PTPRK: variants seen among roughly 807,000 people sequenced by gnomAD.
PTPRK encodes the protein receptor-type tyrosine-protein phosphatase kappa.
PTPRK carries 75 observed loss-of-function variants against 178.0 expected under a neutral mutation model. The observed-to-expected ratio is 0.42, with a 90% CI of 0.35 to 0.51. The LOEUF is 0.51. Ranked by LOEUF, PTPRK falls within the 20% of genes least tolerant of loss-of-function variation. The pLI, the probability that PTPRK is intolerant of heterozygous loss-of-function variation, is 0.02. For missense variants in PTPRK, 1,441 were observed against 1,797.8 expected (o/e 0.80, Z 3.59); for synonymous variants, 637 against 620.6 (o/e 1.03, Z -0.39).
intron 7 of PTPRK, among the ~76,000 whole-genome samples, chr6:128,168,262 A>C (rs913347568): frequency 1.3e-5 from 2 of 152,060 alleles, no homozygotes; most frequent in Non-Finnish European, 2.9e-5. Context: ...CAAAATATAA[A>C]CAGCCCTAAG....
intron 1 of PTPRK, among the ~76,000 whole-genome samples, chr6:128,488,917 TCA>T (rs1275110223): frequency 1.3e-5 from 2 of 150,996 alleles, no homozygotes; most frequent in East Asian, 4.0e-4. Context: ...ATAAGTTTAC[TCA>T]CACACAAAAA....
intron 21 of PTPRK, among the ~76,000 whole-genome samples, chr6:127,988,924 G>A (rs1320023306): frequency 6.6e-6 from 1 of 151,774 alleles, no homozygotes; most frequent in Non-Finnish European, 1.5e-5. Flanking sequence ...AATCACTTAT[G>A]AGTATAAATT....
At chr6:128,499,902 C>T (rs924644916) in intron 1 of PTPRK, among the ~76,000 whole-genome samples, 1 of 152,134 alleles carries the variant, frequency 6.6e-6, no homozygotes, top group South Asian at 2.1e-4. Context: ...GAATTCGGTA[C>T]CCACCAAATG....
chr6:128,148,089 C>T (rs941083894), intron 7 of PTPRK, among the ~76,000 whole-genome samples: 1 of 152,082 alleles, frequency 6.6e-6, no homozygotes, highest in Non-Finnish European at 1.5e-5. Flanking sequence ...AGGTGAAAAA[C>T]AATCACAGCC....
intron 1 of PTPRK, chr6:128,500,647 A>G (rs1421115895): frequency 6.6e-6 from 1 of 152,180 alleles, no homozygotes; most frequent in Non-Finnish European, 1.5e-5. Context: ...CCATTTAAGT[A>G]CAGGAAACAA....
intron 1 of PTPRK, among the ~76,000 whole-genome samples, chr6:128,400,539 T>G (rs1468752746): frequency 6.6e-6 from 1 of 152,070 alleles, no homozygotes; most frequent in Non-Finnish European, 1.5e-5. Context: ...ATGAGGCAAT[T>G]CAAGCCACAT....
intron 2 of PTPRK, among the ~76,000 whole-genome samples, chr6:128,386,250 ACAAAT>A (rs1838703493): frequency 6.6e-6 from 1 of 152,214 alleles, no homozygotes; most frequent in Admixed American, 6.5e-5. Context: ...ATATAGTTTG[ACAAAT>A]CAAGTGTACA....
chr6:128,047,304 A>G (rs1778209133), intron 13 of PTPRK, among the ~76,000 whole-genome samples: 1 of 152,196 alleles, frequency 6.6e-6, no homozygotes, highest in Non-Finnish European at 1.5e-5. Flanking sequence ...TGCTTACCAT[A>G]AGTAATATTC....
intron 29 of PTPRK, among the ~76,000 whole-genome samples, chr6:127,971,212 T>C (rs1773862377): frequency 6.6e-6 from 1 of 152,178 alleles, no homozygotes; most frequent in African/African-American, 2.4e-5. Context: ...TGCTCCATAA[T>C]AAGAATTTAG....
At chr6:128,434,749 CTGGGTACAG>C (rs1845286326) in intron 1 of PTPRK, among the ~76,000 whole-genome samples, 2 of 152,136 alleles carry the variant, frequency 1.3e-5, no homozygotes, top group Middle Eastern at 3.4e-3. Flanking sequence ...AGGAATTTAG[CTGGGTACAG>C]TGGCTTATGC....
At chr6:128,484,933 T>C (rs1019678280) in intron 1 of PTPRK, among the ~76,000 whole-genome samples, 4 of 152,134 alleles carry the variant, frequency 2.6e-5, no homozygotes, top group African/African-American at 7.2e-5. Flanking sequence ...ACAAATATCA[T>C]AAAAATTAAA....
At chr6:128,441,837 G>T (rs1416756279) in intron 1 of PTPRK, among the ~76,000 whole-genome samples, 1 of 152,156 alleles carries the variant, frequency 6.6e-6, no homozygotes, top group Non-Finnish European at 1.5e-5. Context: ...AAGCACAAAT[G>T]GTCTGTACTA....
intron 13 of PTPRK, among the ~76,000 whole-genome samples, chr6:128,053,375 G>A (rs2114883043): frequency 6.6e-6 from 1 of 152,128 alleles, no homozygotes; most frequent in Middle Eastern, 3.4e-3. Context: ...AGACTGATAA[G>A]GCTCTGACAT....
rs755298902 is a variant in PTPRK at position 128,283,411 on chromosome 6, TCA to T, written c.495+38626_495+38627del. Reference sequence around the variant, plus strand: ...ATTTTTGATGTATGAGAAGAATTTCTCAGTTATAAAGCCAAATGTAAGGTAAT... The same window carrying T: ...ATTTTTGATGTATGAGAAGAATTTCTGTTATAAAGCCAAATGTAAGGTAAT... On this transcript the variant is annotated intron_variant, in intron 3 of 29. Coordinates refer to ENST00000368226, the MANE Select transcript of PTPRK (RefSeq NM_002844.4). 4.8e-4 allele frequency among the ~76,000 whole-genome samples: 73 copies of T among 152,198 alleles called. 1 individual carries two copies. Among genetic ancestry groups the T allele is most frequent in the Admixed American group, 1.1e-3 (17 of 15,284 alleles).
chr6:127,984,743 T>C (rs9402011), intron 22 of PTPRK, among the ~76,000 whole-genome samples: 44,609 of 152,054 alleles, frequency 0.29, 6,687 homozygotes, highest in East Asian at 0.43. Flanking sequence ...ATTGTGGCTA[T>C]CTCTATTTAT....
chr6:128,214,679 T>C (rs577192465), intron 6 of PTPRK, among the ~76,000 whole-genome samples: 2 of 152,040 alleles, frequency 1.3e-5, no homozygotes, highest in Non-Finnish European at 2.9e-5. Flanking sequence ...TGGCTTAGGA[T>C]AGAAGCCAAA....
chr6:128,120,843 T>C (rs1583098108), intron 7 of PTPRK, among the ~76,000 whole-genome samples: 1 of 151,902 alleles, frequency 6.6e-6, no homozygotes, highest in Non-Finnish European at 1.5e-5. Context: ...TAAAATGACA[T>C]TTCTACTACT....
chr6:128,230,566 A>G (rs1326731146), intron 5 of PTPRK, among the ~76,000 whole-genome samples: 1 of 152,108 alleles, frequency 6.6e-6, no homozygotes, highest in Non-Finnish European at 1.5e-5. Context: ...TTTGTGTGGT[A>G]TTCTATACCT....
At chr6:128,008,187 TTTCA>T in intron 14 of PTPRK, 1 of 573,058 alleles carries the variant, frequency 1.7e-6, no homozygotes, top group Non-Finnish European at 2.8e-6. Context: ...TAATGCTTTA[TTTCA>T]AGTATAAAAT....
Sources: gnomAD v4.1 joint callset for allele counts (sites outside exome capture counted in the v4.1 genomes callset) on GRCh38, gnomAD v4.1.1 for gene constraint, MANE v1.5 for transcripts, NCBI Gene and HGNC (gene_info 2026-07-23, HGNC 2026-07-21) for gene names.